The following PDZRN4 variants were observed in gnomAD, a reference collection of about 807,000 sequenced individuals.
PDZRN4 encodes PDZ domain containing ring finger 4, also known as PDZ domain-containing RING finger protein 4.
A neutral mutation model predicts 99.0 loss-of-function variants in PDZRN4; 70 were observed. That is an observed-to-expected ratio of 0.71 (90% confidence interval 0.58 to 0.86). PDZRN4 has a LOEUF of 0.86. Among genes scored for constraint, PDZRN4 ranks in the 40% least tolerant of loss-of-function variants. The pLI, the probability that PDZRN4 is intolerant of heterozygous loss-of-function variation, is 0.00. For missense variants in PDZRN4, 1,474 were observed against 1,331.2 expected (o/e 1.11, Z -1.67); for synonymous variants, 551 against 501.6 (o/e 1.10, Z -1.32).
At chr12:41,408,816 G>T (rs372381752) in intron 3 of PDZRN4, among the ~76,000 whole-genome samples, 4 of 142,840 alleles carry the variant, frequency 2.8e-5, no homozygotes, top group African/African-American at 7.8e-5. Flanking sequence ...TCTCTCTTGC[G>T]CTCTCTCTCT....
rs547033234 is a variant in PDZRN4, at chr12:41,395,800, A to G, written c.844-110656A>G. Among the ~76,000 whole-genome samples the G allele has an allele frequency of 7.0e-4, 106 of 152,254 alleles. 3 individuals carry two copies. Among genetic ancestry groups the G allele is most frequent in the African/African-American group, 2.0e-3 (83 of 41,566 alleles). ...CTGGACACACATTGATTTCATTAGA[A>G]GCCTTTTGTTTAGCTGAATAGTATA... is the stretch of plus-strand genomic sequence containing the variant. On this transcript the variant is annotated intron_variant, in intron 3 of 9. Coordinates refer to ENST00000402685, the MANE Select transcript of PDZRN4 (RefSeq NM_001164595.2).
At chr12:41,390,579 T>G (rs367559131) in intron 3 of PDZRN4, among the ~76,000 whole-genome samples, 2 of 95,392 alleles carry the variant, frequency 2.1e-5, no homozygotes, top group African/African-American at 4.4e-5. Flanking sequence ...AAAAAAAAAG[T>G]AAAAGCTTTT....
At chr12:41,268,394 G>A (rs530690589) in intron 3 of PDZRN4, among the ~76,000 whole-genome samples, 1 of 152,266 alleles carries the variant, frequency 6.6e-6, no homozygotes, top group East Asian at 1.9e-4. Context: ...TGGATTTACT[G>A]CAAATAACAA....
chr12:41,536,079 A>T (rs1565608721), intron 5 of PDZRN4, among the ~76,000 whole-genome samples: 2 of 152,094 alleles, frequency 1.3e-5, no homozygotes, highest in Non-Finnish European at 2.9e-5. Flanking sequence ...CCTGTCCTTC[A>T]TGCCCTATGA....
intron 5 of PDZRN4, among the ~76,000 whole-genome samples, chr12:41,539,518 T>C (rs1369551276): frequency 6.6e-6 from 1 of 152,096 alleles, no homozygotes; most frequent in Non-Finnish European, 1.5e-5. Context: ...GTCTTGTACC[T>C]TTTCCTGTTA....
chr12:41,568,801 T>A (rs946016067), intron 9 of PDZRN4, among the ~76,000 whole-genome samples: 1 of 118,524 alleles, frequency 8.4e-6, no homozygotes, highest in Admixed American at 9.5e-5. Context: ...AACATTATTA[T>A]ATGTATTTTA....
chr12:41,433,642 C>G (rs1015727666), intron 3 of PDZRN4, among the ~76,000 whole-genome samples: 2 of 152,146 alleles, frequency 1.3e-5, no homozygotes, highest in Non-Finnish European at 2.9e-5. Context: ...AACTTCCACA[C>G]TGGCACAGGA....
chr12:41,536,330 G>C (rs1011521310), intron 5 of PDZRN4, among the ~76,000 whole-genome samples: 1 of 152,128 alleles, frequency 6.6e-6, no homozygotes, highest in African/African-American at 2.4e-5. Context: ...AAAGAAGCCA[G>C]TCTAAAAAGA....
intron 3 of PDZRN4, among the ~76,000 whole-genome samples, chr12:41,301,482 T>C (rs1951535072): frequency 6.6e-6 from 1 of 151,994 alleles, no homozygotes. Flanking sequence ...GATATAAGGA[T>C]AAGACATAAG....
chr12:41,352,567 T>C (rs1416997551), intron 3 of PDZRN4, among the ~76,000 whole-genome samples: 1 of 152,174 alleles, frequency 6.6e-6, no homozygotes, highest in Non-Finnish European at 1.5e-5. Flanking sequence ...AAAAATTATA[T>C]GAGAGTTCAA....
chr12:41,512,432 AAG>A (rs1938321834), intron 5 of PDZRN4, among the ~76,000 whole-genome samples: 1 of 152,066 alleles, frequency 6.6e-6, no homozygotes, highest in Non-Finnish European at 1.5e-5. Flanking sequence ...TAAAGAATAT[AAG>A]AGATCTAGCC....
Position 41,221,394 on chromosome 12 carries a change from A to G in PDZRN4, c.843+27206A>G, listed in dbSNP as rs536070230. 4.6e-5 allele frequency among the ~76,000 whole-genome samples: 7 copies of G among 152,294 alleles called. No homozygotes were observed. In the South Asian group the frequency reaches 1.5e-3, roughly 32 times the overall value. ...ATGGGGAAGAGAAAGCTGATAACCAAGGCTGAAGCAATGTTAATCCATATC... is the reference window on the plus strand; with the variant it reads ...ATGGGGAAGAGAAAGCTGATAACCAGGGCTGAAGCAATGTTAATCCATATC... On this transcript the variant is annotated intron_variant, in intron 3 of 9. Coordinates refer to ENST00000402685, the MANE Select transcript of PDZRN4 (RefSeq NM_001164595.2).
rs536246838 is a variant in PDZRN4, at chr12:41,214,430, TAAAAAAA to T, written c.843+20256_843+20262del. 8.8e-5 allele frequency among the ~76,000 whole-genome samples: 3 copies of T among 34,078 alleles called. 1 individual carries two copies. Among genetic ancestry groups the T allele is most frequent in the Admixed American group, 4.8e-4 (1 of 2,102 alleles). The allele number at this position is 34,078 out of a possible 152,430, so 22.4% of individuals were successfully genotyped here. A position where few individuals can be genotyped will look rare whatever the true frequency, so the allele number is the denominator to read the frequency against. On this transcript the variant is annotated intron_variant, in intron 3 of 9. Coordinates refer to ENST00000402685, the MANE Select transcript of PDZRN4 (RefSeq NM_001164595.2). ...GGCAATAGAAGGAGACCCTGTCCCCTAAAAAAAAAAAAAAAAAAAAGTTATCTATTTG... is the reference window on the plus strand; with the variant it reads ...GGCAATAGAAGGAGACCCTGTCCCCTAAAAAAAAAAAAAGTTATCTATTTG...
chr12:41,281,594 G>A (rs1211251193), intron 3 of PDZRN4, among the ~76,000 whole-genome samples: 1 of 152,072 alleles, frequency 6.6e-6, no homozygotes, highest in Non-Finnish European at 1.5e-5. Context: ...TAGCCAAATT[G>A]ATCAAGTGGA....
At chr12:41,383,854 A>G (rs993960425) in intron 3 of PDZRN4, among the ~76,000 whole-genome samples, 1 of 149,880 alleles carries the variant, frequency 6.7e-6, no homozygotes, top group African/African-American at 2.4e-5. Context: ...CATGGAATAG[A>G]GTAGTCAATT....
intron 3 of PDZRN4, among the ~76,000 whole-genome samples, chr12:41,257,446 A>G (rs1487804703): frequency 6.6e-6 from 1 of 152,164 alleles, no homozygotes; most frequent in Non-Finnish European, 1.5e-5. Context: ...CGACTTAGTG[A>G]TTAGGATTCA....
At chr12:41,345,320 ACCCACCCTCC>A (rs1383271427) in intron 3 of PDZRN4, among the ~76,000 whole-genome samples, 2 of 151,948 alleles carry the variant, frequency 1.3e-5, no homozygotes, top group African/African-American at 2.4e-5. Context: ...TAAATTCATG[ACCCACCCTCC>A]CCCTCCTGTC....
chr12:41,351,577 GGA>G (rs767438537), intron 3 of PDZRN4, among the ~76,000 whole-genome samples: 1 of 151,880 alleles, frequency 6.6e-6, no homozygotes, highest in Non-Finnish European at 1.5e-5. Context: ...ATGGCCAGAA[GGA>G]GAGAGAGAGA....
In PDZRN4 at chr12:41,543,411, A is replaced by C. The variant is rs113567029; in HGVS notation, c.1204-9245A>C. Among the ~76,000 whole-genome samples the C allele has an allele frequency of 1.3e-3, 192 of 152,258 alleles. 1 individual carries two copies. Among genetic ancestry groups the C allele is most frequent in the African/African-American group, 4.5e-3 (189 of 41,546 alleles). ...GTAGTTGCTGAGTGACCTTAAATAAATTACTTAATGCTGGCTCTGAATTTC... is the reference window on the plus strand; with the variant it reads ...GTAGTTGCTGAGTGACCTTAAATAACTTACTTAATGCTGGCTCTGAATTTC... On this transcript the variant is annotated intron_variant, in intron 5 of 9. Transcript: ENST00000402685.
Sources: allele counts gnomAD v4.1 joint callset (sites outside exome capture counted in the v4.1 genomes callset), GRCh38; gene constraint gnomAD v4.1.1; transcripts MANE v1.5; gene names NCBI Gene and HGNC (gene_info 2026-07-23, HGNC 2026-07-21).